The following CMTM4 variants were observed in gnomAD, a reference collection of about 807,000 sequenced individuals.
The protein encoded by CMTM4 is CKLF like MARVEL transmembrane domain containing 4.
CMTM4 carries 8 observed loss-of-function variants against 19.0 expected under a neutral mutation model. The ratio of observed to expected loss-of-function variants is 0.42; its 90% CI spans 0.25 to 0.76. CMTM4 has a LOEUF of 0.76. Ranked by LOEUF, CMTM4 falls within the 30% of genes least tolerant of loss-of-function variation. The pLI is 0.27. For missense variants in CMTM4, 228 were observed against 290.2 expected, an observed-to-expected ratio of 0.79 and a Z score of 1.56; for synonymous variants, 106 against 121.1, an observed-to-expected ratio of 0.88 and a Z score of 0.82.
rs2015993808 is a variant in CMTM4, at chr16:66,636,524, C to T, written c.244G>A (p.Glu82Lys). 6.2e-7 allele frequency: 1 copy of T among 1,614,194 alleles called. No homozygotes were observed. The highest frequency in any genetic ancestry group is 8.5e-7 in the Non-Finnish European group (1 of 1,180,024). The part of the protein sequence containing the change: ...IETIMACSPC[E>K]GLYFFEFVSC... Reference sequence around the variant, plus strand: ...ACAAACTCAAAAAAGTAGAGGCCTTCACACGGGGAGCATGCCATGATGGTC... The same window carrying T: ...ACAAACTCAAAAAAGTAGAGGCCTTTACACGGGGAGCATGCCATGATGGTC... Residue 82 changes from glutamate (E) to lysine (K), a missense_variant, in exon 2 of 4, where the codon GAA becomes AAA. By Grantham distance (56) the Glu-to-Lys change is moderately conservative. Around this residue, in one of 3 missense-constraint regions of CMTM4, gnomAD observed 200 missense variants for 226.6 expected, o/e 0.88. Transcript: ENST00000394106.
rs1044175706 is a variant in CMTM4, at chr16:66,636,612, G to A, written c.187-31C>T. 33 of 1,553,156 alleles carry A rather than the reference G, an allele frequency of 2.1e-5. 1 individual carries two copies. Among genetic ancestry groups the A allele is most frequent in the South Asian group, 7.8e-5 (7 of 89,770 alleles). On this transcript the variant is annotated intron_variant, in intron 1 of 3. Transcript: ENST00000394106. The stretch of plus-strand genomic sequence containing the variant: ...AAGAAAATTGGAAACATATATGTAC[G>A]TATATGTTTAGTATACATCTGCGGA...
rs941000467 is a variant in CMTM4, at chr16:66,672,471, T to TTA, written c.186+23867_186+23868dup. 1.7e-3 allele frequency among the ~76,000 whole-genome samples: 250 copies of TTA among 149,624 alleles called. 2 individuals carry two copies. The highest frequency in any genetic ancestry group is 5.7e-3 in the African/African-American group (235 of 40,976). ...GAACCGTAATTACTTTTGCAACAAC[T>TTA]TATATATATATAATATGTATATATT... On this transcript the variant is annotated intron_variant, in intron 1 of 3. Transcript: ENST00000394106.
At chr16:66,659,846 A>G (rs756931146) in intron 1 of CMTM4, among the ~76,000 whole-genome samples, 5 of 152,246 alleles carry the variant, frequency 3.3e-5, no homozygotes, top group Admixed American at 6.5e-5. Flanking sequence ...GATAAAAAGT[A>G]TGTGGGCACT....
At chr16:66,682,557 T>C (rs958956558) in intron 1 of CMTM4, among the ~76,000 whole-genome samples, 3 of 152,186 alleles carry the variant, frequency 2.0e-5, no homozygotes, top group Admixed American at 1.3e-4. Flanking sequence ...CTTTGAACAT[T>C]TTAAGTGTTT....
chr16:66,651,688 G>A (rs1168734769), intron 1 of CMTM4, among the ~76,000 whole-genome samples: 1 of 152,340 alleles, frequency 6.6e-6, no homozygotes, highest in East Asian at 1.9e-4. Context: ...GGGGTAGCCA[G>A]TGCTGAGACT....
the CMTM4 span, among the ~76,000 whole-genome samples, chr16:66,603,533 C>T: frequency 6.6e-6 from 1 of 152,136 alleles, no homozygotes; most frequent in Admixed American, 6.5e-5. Context: ...GTGATCCACC[C>T]ACCTCAGCCT....
chr16:66,660,835 T>C (rs1031187679), intron 1 of CMTM4, among the ~76,000 whole-genome samples: 1 of 152,222 alleles, frequency 6.6e-6, no homozygotes, highest in Non-Finnish European at 1.5e-5. Context: ...AACACTTGGC[T>C]GCCCTGTCCC....
chr16:66,675,336 C>G (rs1022197780), intron 1 of CMTM4, among the ~76,000 whole-genome samples: 6 of 151,984 alleles, frequency 3.9e-5, no homozygotes, highest in African/African-American at 1.5e-4. Context: ...CCTCTTCGGG[C>G]CTCCCAAAGT....
chr16:66,662,457 T>C (rs1375916994), intron 1 of CMTM4, among the ~76,000 whole-genome samples: 1 of 152,210 alleles, frequency 6.6e-6, no homozygotes, highest in African/African-American at 2.4e-5. Context: ...GGGATTTTCC[T>C]AACACTCATA....
Position 66,632,479 on chromosome 16 carries a change from T to A in CMTM4, c.363+3926A>T, listed in dbSNP as rs564578249. Among the ~76,000 whole-genome samples the A allele has an allele frequency of 4.6e-5, 7 of 152,284 alleles. No homozygotes were observed. The East Asian group carries it at 1.3e-3, about 29-fold the overall frequency. ...CCCAGGTGGTGGCTGTATATTAAACTCCATATTTACTTTCATAATTTTTTC... is the reference window on the plus strand; with the variant it reads ...CCCAGGTGGTGGCTGTATATTAAACACCATATTTACTTTCATAATTTTTTC... On this transcript the variant is annotated intron_variant, in intron 2 of 3. Transcript: ENST00000394106.
intron 1 of CMTM4, among the ~76,000 whole-genome samples, chr16:66,662,927 A>AC (rs2016523755): frequency 6.6e-6 from 1 of 152,178 alleles, no homozygotes; most frequent in Non-Finnish European, 1.5e-5. Flanking sequence ...TGTGTATCTG[A>AC]CCCTAAACAG....
intron 1 of CMTM4, among the ~76,000 whole-genome samples, chr16:66,689,730 G>A (rs956733525): frequency 6.6e-6 from 1 of 152,114 alleles, no homozygotes; most frequent in Admixed American, 6.6e-5. Flanking sequence ...TATTAATATG[G>A]TGTACACCTA....
intron 1 of CMTM4, among the ~76,000 whole-genome samples, chr16:66,690,856 C>T (rs2017121782): frequency 6.6e-6 from 1 of 152,154 alleles, no homozygotes; most frequent in Admixed American, 6.6e-5. Flanking sequence ...CCTGTAATCC[C>T]AGCACTTTGG....
the CMTM4 span, among the ~76,000 whole-genome samples, chr16:66,600,708 C>T: frequency 1.3e-5 from 2 of 151,990 alleles, no homozygotes; most frequent in Non-Finnish European, 1.5e-5. Flanking sequence ...ACCAGGAACA[C>T]CTTATTCAGG....
the CMTM4 span, among the ~76,000 whole-genome samples, chr16:66,608,076 G>T: frequency 6.6e-6 from 1 of 152,108 alleles, no homozygotes; most frequent in Non-Finnish European, 1.5e-5. The surrounding 1 kb of genome is among the most constrained non-coding windows in gnomAD (Gnocchi z 5.1). Context: ...AAATTTCTGG[G>T]CTCAAGCAAT....
intron 1 of CMTM4, among the ~76,000 whole-genome samples, chr16:66,683,109 T>G (rs868748525): frequency 7.6e-5 from 10 of 132,360 alleles, no homozygotes; most frequent in African/African-American, 2.9e-4. Context: ...TAGAGTCTAG[T>G]TGTGTGTGTG....
the CMTM4 span, chr16:66,608,339 G>T: frequency 6.2e-7 from 1 of 1,614,222 alleles, no homozygotes; most frequent in Admixed American, 1.7e-5. This position sits in a 1 kb window ranked among gnomAD's most constrained non-coding sequence, Gnocchi z 5.1. Flanking sequence ...TATCTGCTAT[G>T]TGGCGTCCTC....
At chr16:66,683,192 T>TAC (rs55834913) in intron 1 of CMTM4, among the ~76,000 whole-genome samples, 6 of 48,540 alleles carry the variant, frequency 1.2e-4, no homozygotes, top group East Asian at 6.9e-4. Context: ...TATATATATA[T>TAC]ACATATATAT....
chr16:66,624,495 G>A (rs1378505523), intron 2 of CMTM4, among the ~76,000 whole-genome samples: 2 of 152,208 alleles, frequency 1.3e-5, no homozygotes, highest in Non-Finnish European at 1.5e-5. Context: ...TGGCTGGTGC[G>A]GTGGCTCATG....
Sources: gnomAD v4.1 joint callset for allele counts (sites outside exome capture counted in the v4.1 genomes callset) on GRCh38, gnomAD v4.1.1 for gene constraint, gnomAD v4.1.1 regional missense constraint, Gnocchi (gnomAD v3.1) non-coding constraint, MANE v1.5 for transcripts, NCBI Gene and HGNC (gene_info 2026-07-23, HGNC 2026-07-21) for gene names.